Variants in KDM4B observed in about 807,000 individuals in gnomAD.
The protein encoded by KDM4B is lysine demethylase 4B.
Under a neutral mutation model 125.2 loss-of-function variants are expected in KDM4B, and 32 were observed. The ratio of observed to expected loss-of-function variants is 0.26; its 90% CI spans 0.19 to 0.34. The LOEUF is 0.34. KDM4B is among the 10% of genes least tolerant of loss of function. The pLI, the probability that KDM4B is intolerant of heterozygous loss-of-function variation, is 1.00. For missense variants in KDM4B, 1,190 were observed against 1,577.7 expected, an observed-to-expected ratio of 0.75 and a Z score of 4.16; for synonymous variants, 721 against 677.9, an observed-to-expected ratio of 1.06 and a Z score of -0.99.
At chr19:5,033,297 A>G (rs1297028256) in intron 3 of KDM4B, among the ~76,000 whole-genome samples, 2 of 152,246 alleles carry the variant, frequency 1.3e-5, no homozygotes, top group Non-Finnish European at 2.9e-5. Flanking sequence ...ACACACAGCC[A>G]CACTGCAGTG....
chr19:5,053,474 G>A (rs2037296738), intron 6 of KDM4B, among the ~76,000 whole-genome samples: 1 of 152,208 alleles, frequency 6.6e-6, no homozygotes, highest in Non-Finnish European at 1.5e-5. Context: ...GGGAGGCAGA[G>A]GGACCCTGGT....
At chr19:5,003,071 A>G (rs2035442439) in intron 1 of KDM4B, among the ~76,000 whole-genome samples, 1 of 152,074 alleles carries the variant, frequency 6.6e-6, no homozygotes, top group South Asian at 2.1e-4. Flanking sequence ...TGGCTCTCGT[A>G]TGATTCCTCC....
At chr19:4,973,995 C>T (rs770410546) in intron 1 of KDM4B, among the ~76,000 whole-genome samples, 3 of 151,722 alleles carry the variant, frequency 2.0e-5, no homozygotes, top group Admixed American at 6.6e-5. Flanking sequence ...CTGGGCGTGG[C>T]GGTGCACACC....
At position 5,053,950 on chromosome 19, in the gene KDM4B, G is replaced by A. The variant is rs572870311; in HGVS notation, c.626+6281G>A. 2.4e-4 allele frequency among the ~76,000 whole-genome samples: 36 copies of A among 152,360 alleles called. 1 individual carries two copies. In the South Asian group the frequency reaches 5.8e-3, roughly 25 times the overall value. On this transcript the variant is annotated intron_variant, in intron 6 of 22. Coordinates refer to ENST00000159111, the MANE Select transcript of KDM4B (RefSeq NM_015015.3). ...TTCCCTGTTTGAGGAGCGTGGCCGTGGGCAGGCAGGAAGCTCCTTCGTGGT... is the reference window on the plus strand; with the variant it reads ...TTCCCTGTTTGAGGAGCGTGGCCGTAGGCAGGCAGGAAGCTCCTTCGTGGT...
chr19:5,147,897 A>G (rs1156245024), intron 21 of KDM4B, among the ~76,000 whole-genome samples: 5 of 152,188 alleles, frequency 3.3e-5, no homozygotes, highest in Admixed American at 6.5e-5. Context: ...TCACACAATC[A>G]TGCAAACGCC....
chr19:5,096,171 T>C lies in KDM4B; in HGVS notation c.918+13667T>C, dbSNP rs957372975. Among the ~76,000 whole-genome samples the C allele has an allele frequency of 3.3e-5, 5 of 149,528 alleles. No individual in the cohort carries two copies. The East Asian group carries it at 1.0e-3, about 30-fold the overall frequency. On this transcript the variant is annotated intron_variant, in intron 9 of 22. Coordinates refer to ENST00000159111, the MANE Select transcript of KDM4B (RefSeq NM_015015.3). ...TGTGATCTCGGCTCACTGCAACCTC[T>C]GCCTCCCGGGCTCAAGCGAGTCTCC... is the stretch of plus-strand genomic sequence containing the variant.
At position 4,996,035 on chromosome 19, in the gene KDM4B, G is replaced by C. The variant is rs540809095; in HGVS notation, c.-108-20222G>C. Among the ~76,000 whole-genome samples the C allele has an allele frequency of 3.3e-5, 5 of 152,260 alleles. No individual in the cohort carries two copies. In the South Asian group the frequency reaches 1.0e-3, roughly 32 times the overall value. Reference sequence around the variant, plus strand: ...AGACAGTGTCTCGCTCTGTCGCCCAGGCTGGCCTGCAGTGGTGTGATCTCA... The same window carrying C: ...AGACAGTGTCTCGCTCTGTCGCCCACGCTGGCCTGCAGTGGTGTGATCTCA... On this transcript the variant is annotated intron_variant, in intron 1 of 22. Transcript: ENST00000159111.
chr19:5,042,529 A>G (rs538666230), intron 5 of KDM4B, among the ~76,000 whole-genome samples: 4 of 151,832 alleles, frequency 2.6e-5, no homozygotes, highest in Non-Finnish European at 5.9e-5. Context: ...GGAAACAAAC[A>G]CCTGAGACTG....
chr19:5,133,763 G>C (rs549085838), intron 13 of KDM4B, 120 bp from the exon 14 acceptor site: 163 of 988,184 alleles, frequency 1.6e-4, no homozygotes, highest in Admixed American at 4.6e-4. Context: ...ATGGGCCAGG[G>C]ACCCTGTGGG....
intron 1 of KDM4B, among the ~76,000 whole-genome samples, chr19:5,013,990 A>G (rs748662306): frequency 3.9e-5 from 6 of 152,360 alleles, no homozygotes; most frequent in Non-Finnish European, 7.3e-5. Flanking sequence ...GTGGCCCGGC[A>G]GTCCAGGACC....
chr19:5,017,845 A>C (rs1274057193), intron 2 of KDM4B, among the ~76,000 whole-genome samples: 1 of 151,370 alleles, frequency 6.6e-6, no homozygotes, highest in African/African-American at 2.4e-5. Flanking sequence ...GGTTCACGCC[A>C]TTCTCCTGCC....
chr19:5,112,072 T>C (rs77815560), intron 10 of KDM4B: 9 of 474,080 alleles, frequency 1.9e-5, no homozygotes, highest in East Asian at 3.6e-5. Context: ...GGGCAACATA[T>C]TGAGATGCCA....
intron 11 of KDM4B, among the ~76,000 whole-genome samples, chr19:5,121,943 G>A (rs148532854): frequency 3.3e-5 from 5 of 152,208 alleles, no homozygotes; most frequent in South Asian, 2.1e-4. Flanking sequence ...TAGGAATCCC[G>A]GAGCAGTGGA....
At chr19:5,128,376 C>T (rs940346014) in intron 11 of KDM4B, among the ~76,000 whole-genome samples, 1 of 152,168 alleles carries the variant, frequency 6.6e-6, no homozygotes, top group Non-Finnish European at 1.5e-5. Context: ...TGGGCCAGAT[C>T]CCACGCCAGC....
intron 10 of KDM4B, chr19:5,111,402 A>G (rs770001159): frequency 1.3e-6 from 1 of 764,956 alleles, no homozygotes; most frequent in African/African-American, 1.7e-5. Flanking sequence ...CGCCGCACAG[A>G]CCCTCCCAGC....
At position 5,077,253 on chromosome 19, in the gene KDM4B, C is replaced by T. The variant is rs1050418948; in HGVS notation, c.677-114C>T. 3 of 848,478 alleles carry T rather than the reference C, an allele frequency of 3.5e-6. No individual in the cohort carries two copies. In the African/African-American group the frequency reaches 5.0e-5, roughly 14 times the overall value. 52.6% of individuals were successfully genotyped at this position (848,478 alleles called of 1,614,324 possible). ...GCAGATCTGGGCCGTGCTCTGTGCTCCCACACGCCCGCTCTCCATGGGAGG... is the reference window on the plus strand; with the variant it reads ...GCAGATCTGGGCCGTGCTCTGTGCTTCCACACGCCCGCTCTCCATGGGAGG... On this transcript the variant is annotated intron_variant, in intron 7 of 22. Transcript: ENST00000159111.
chr19:5,004,320 G>A (rs2035488134), intron 1 of KDM4B, among the ~76,000 whole-genome samples: 1 of 152,182 alleles, frequency 6.6e-6, no homozygotes, highest in African/African-American at 2.4e-5. Flanking sequence ...CTCTTGCCCT[G>A]CCACAGGCCC....
chr19:5,069,859 A>T (rs189499147), intron 6 of KDM4B, among the ~76,000 whole-genome samples: 2 of 151,962 alleles, frequency 1.3e-5, no homozygotes, highest in Admixed American at 1.3e-4. Context: ...TGCCCGCCTC[A>T]GCCTCCCAAA....
intron 6 of KDM4B, among the ~76,000 whole-genome samples, chr19:5,049,212 G>A (rs1489316571): frequency 1.3e-5 from 2 of 152,096 alleles, no homozygotes; most frequent in East Asian, 1.9e-4. Flanking sequence ...GCCAGGAGCC[G>A]AGGGCCTCTC....
Sources: gnomAD v4.1 joint callset for allele counts (sites outside exome capture counted in the v4.1 genomes callset) on GRCh38, gnomAD v4.1.1 for gene constraint, MANE v1.5 for transcripts, NCBI Gene and HGNC (gene_info 2026-07-23, HGNC 2026-07-21) for gene names.